The following ONECUT1 variants were observed in gnomAD, a reference collection of about 807,000 sequenced individuals.
ONECUT1 encodes hepatocyte nuclear factor 6.
In ONECUT1, 12 loss-of-function variants were observed where a neutral mutation model predicts 25.6. That is an observed-to-expected ratio of 0.47 (90% CI 0.30 to 0.76). The LOEUF (loss-of-function observed/expected upper bound fraction) is 0.76, where lower values mean the gene tolerates loss of function less well. Among genes scored for constraint, ONECUT1 ranks in the 30% least tolerant of loss-of-function variants. ONECUT1 has a pLI of 0.07. For synonymous variants in ONECUT1, 285 were observed against 270.2 expected, an observed-to-expected ratio of 1.05 and a Z score of -0.54; for missense variants, 620 against 651.2, an observed-to-expected ratio of 0.95 and a Z score of 0.52.
At chr15:52,765,871 AT>A (rs1484757051) in intron 1 of ONECUT1, among the ~76,000 whole-genome samples, 1 of 152,252 alleles carries the variant, frequency 6.6e-6, no homozygotes, top group African/African-American at 2.4e-5. Context: ...CCAGTGTGCC[AT>A]TTGAAAAGCA....
chr15:52,787,653 A>AGGGGGGGGGGGGG (rs1255483635), intron 1 of ONECUT1: 2 of 89,742 alleles, frequency 2.2e-5, no homozygotes, highest in Admixed American at 1.1e-4. Context: ...GTGGGGGGGG[A>AGGGGGGGGGGGGG]GGGGGCATGG....
rs1157693377 is a variant in ONECUT1 at position 52,784,137 on chromosome 15, G to A, written c.1105+4643C>T. Among the ~76,000 whole-genome samples, 1 of 152,220 alleles carries A rather than the reference G, an allele frequency of 6.6e-6. No individual in the cohort carries two copies. On this transcript the variant is annotated intron_variant, in intron 1 of 1. Coordinates refer to ENST00000305901, the MANE Select transcript of ONECUT1 (RefSeq NM_004498.4). This position sits in a 1 kb window ranked among gnomAD's most constrained non-coding sequence, Gnocchi z 5.0. ...CACAGCCCGGCTACCCCCAGAAAGG[G>A]AGCCGAATGGAGGGAAGCAGGGAGC...
chr15:52,766,474 C>T (rs1467059491), intron 1 of ONECUT1, among the ~76,000 whole-genome samples: 1 of 152,180 alleles, frequency 6.6e-6, no homozygotes, highest in Non-Finnish European at 1.5e-5. Context: ...AGCAGTTGGT[C>T]AGCCAAGCAG....
At chr15:52,780,015 G>A (rs1280790390) in intron 1 of ONECUT1, among the ~76,000 whole-genome samples, 1 of 152,180 alleles carries the variant, frequency 6.6e-6, no homozygotes, top group Non-Finnish European at 1.5e-5. Context: ...AGCCTGTAGT[G>A]GAAATTTTCC....
intron 1 of ONECUT1, among the ~76,000 whole-genome samples, chr15:52,762,220 G>T (rs1555415059): frequency 1.3e-5 from 2 of 152,182 alleles, no homozygotes; most frequent in Non-Finnish European, 2.9e-5. Context: ...TTGGCATTTG[G>T]CAGGACTGTC....
rs1167600780 is a variant in ONECUT1, at chr15:52,789,623, T to C, written c.262A>G (p.Thr88Ala). The C allele has an allele frequency of 1.3e-6, 2 of 1,561,906 alleles. No individual in the cohort carries two copies. The highest frequency in any genetic ancestry group is 8.7e-7 in the Non-Finnish European group (1 of 1,152,672). ...SLAGPLHPTM[T>A]MACETPPGMS... ...CCTGGGGGAGTCTCGCAGGCCATGG[T>C]CATGGTGGGATGCAGGGGGCCGGCC... Residue 88 changes from threonine to alanine, a missense_variant, in exon 1 of 2, where the codon ACC (threonine) becomes GCC (alanine). By Grantham distance (58) the Thr-to-Ala change is moderately conservative. Transcript: ENST00000305901. This position sits in a 1 kb window ranked among gnomAD's most constrained non-coding sequence, Gnocchi z 4.1.
In ONECUT1 at chr15:52,789,914, A is replaced by C. The variant is rs767863416; in HGVS notation, c.-30T>G. ...ATCCGGGCGAGCAGGCGGCGGACAC[A>C]ACATCGATGTGGCCAGGCAGAGGCG... On this transcript the variant is annotated 5_prime_UTR_variant, in exon 1 of 2. Transcript: ENST00000305901. The surrounding 1 kb of genome is among the most constrained non-coding windows in gnomAD (Gnocchi z 4.1). The C allele has an allele frequency of 6.7e-7, 1 of 1,501,850 alleles. No individual in the cohort carries two copies. The highest frequency in any genetic ancestry group is 1.3e-5 in the South Asian group (1 of 77,420). 93.0% of individuals were successfully genotyped at this position (1,501,850 alleles called of 1,614,324 possible). A position where few individuals can be genotyped will look rare whatever the true frequency, so the allele number is the denominator to read the frequency against.
intron 1 of ONECUT1, among the ~76,000 whole-genome samples, chr15:52,768,050 G>A (rs1484827687): frequency 6.6e-6 from 1 of 152,202 alleles, no homozygotes; most frequent in Non-Finnish European, 1.5e-5. Flanking sequence ...GTAGTGGGGA[G>A]TGGGGGATAA....
intron 1 of ONECUT1, among the ~76,000 whole-genome samples, chr15:52,765,886 C>G (rs932389668): frequency 6.6e-6 from 1 of 152,204 alleles, no homozygotes; most frequent in Non-Finnish European, 1.5e-5. Flanking sequence ...AAAAGCAACA[C>G]GAGTGAGCTC....
intron 1 of ONECUT1, among the ~76,000 whole-genome samples, chr15:52,773,608 C>T (rs10083678): frequency 0.016 from 2,403 of 152,174 alleles, 69 homozygotes; most frequent in African/African-American, 0.056. Context: ...CATGTTTCCC[C>T]ACCAGGATAA....
At chr15:52,782,815 TA>T (rs905919839) in intron 1 of ONECUT1, among the ~76,000 whole-genome samples, 14 of 152,302 alleles carry the variant, frequency 9.2e-5, no homozygotes, top group African/African-American at 3.4e-4. Flanking sequence ...TTTAAAATAT[TA>T]AGTCGGTGTT....
chr15:52,783,558 C>T (rs2083854563), intron 1 of ONECUT1, among the ~76,000 whole-genome samples: 1 of 152,244 alleles, frequency 6.6e-6, no homozygotes, highest in African/African-American at 2.4e-5. Flanking sequence ...TCCGAAGGCC[C>T]TTTCACCCAC....
At chr15:52,773,371 G>T (rs1436615162) in intron 1 of ONECUT1, among the ~76,000 whole-genome samples, 1 of 152,068 alleles carries the variant, frequency 6.6e-6, no homozygotes, top group Non-Finnish European at 1.5e-5. Flanking sequence ...GGAGGTGGAG[G>T]TACTGGTATG....
Position 52,757,566 on chromosome 15 carries a change from T to C in ONECUT1, c.1387A>G (p.Thr463Ala). The change falls in exon 2 of 2, where the codon ACC becomes GCC. Residue 463 changes from threonine (T) to alanine (A), a missense_variant. Physicochemically the swap from Thr to Ala is moderately conservative, Grantham distance 58. Coordinates refer to ENST00000305901, the MANE Select transcript of ONECUT1 (RefSeq NM_004498.4). ...TTGTGGTTCTTCCTTCATGCTTTGG[T>C]ACAAGTGCTTGATGAAGAAGATGAG... is the stretch of plus-strand genomic sequence containing the variant. ...GNSSSSSSTC[T>A]KA 6.2e-7 allele frequency: 1 copy of C among 1,613,184 alleles called. No homozygotes were observed. Among genetic ancestry groups the C allele is most frequent in the Non-Finnish European group, 8.5e-7 (1 of 1,179,310 alleles).
chr15:52,771,940 G>T (rs1166259209), intron 1 of ONECUT1, among the ~76,000 whole-genome samples: 1 of 152,210 alleles, frequency 6.6e-6, no homozygotes, highest in Non-Finnish European at 1.5e-5. Context: ...GCTTTGAGAA[G>T]AATACCAGGT....
Position 52,756,097 on chromosome 15 carries a change from A to G in ONECUT1, c.*1458T>C, listed in dbSNP as rs894830590. Among the ~76,000 whole-genome samples, 2 of 152,158 alleles carry G rather than the reference A, an allele frequency of 1.3e-5. No individual in the cohort carries two copies. The highest frequency in any genetic ancestry group is 1.9e-4 in the East Asian group (1 of 5,200). Reference sequence around the variant, plus strand: ...TAGTTCCATAAATTGATTAATACCAATAGATCAAAAGTCTTGTCGTCCACC... The same window carrying G: ...TAGTTCCATAAATTGATTAATACCAGTAGATCAAAAGTCTTGTCGTCCACC... On this transcript the variant is annotated 3_prime_UTR_variant, in exon 2 of 2. Coordinates refer to ENST00000305901, the MANE Select transcript of ONECUT1 (RefSeq NM_004498.4).
chr15:52,757,976 G>C, intron 1 of ONECUT1, 129 bp from the exon 2 acceptor site: 3 of 974,962 alleles, frequency 3.1e-6, no homozygotes, highest in Non-Finnish European at 4.6e-6. Flanking sequence ...TCTGCTTTAA[G>C]CACCATTGGA....
chr15:52,788,279 C>T lies in ONECUT1; in HGVS notation c.1105+501G>A. On this transcript the variant is annotated intron_variant, in intron 1 of 1. Transcript: ENST00000305901. The surrounding 1 kb of genome is among the most constrained non-coding windows in gnomAD (Gnocchi z 4.3). The stretch of plus-strand genomic sequence containing the variant: ...CCAGCCAGCGCCAAAAGAATGAGCG[C>T]GGGAGGGGGTCACAGCAGCCAGTTC... 6.3e-6 allele frequency: 1 copy of T among 158,284 alleles called. No homozygotes were observed. The highest frequency in any genetic ancestry group is 2.0e-4 in the South Asian group (1 of 5,124). 9.8% of individuals were successfully genotyped at this position (158,284 alleles called of 1,614,324 possible).
chr15:52,759,254 A>G (rs1211328029), intron 1 of ONECUT1, among the ~76,000 whole-genome samples: 1 of 152,008 alleles, frequency 6.6e-6, no homozygotes, highest in East Asian at 1.9e-4. Context: ...TCAATTCCTT[A>G]CCTGATGGTT....
Sources: gnomAD v4.1 joint callset for allele counts (sites outside exome capture counted in the v4.1 genomes callset) on GRCh38, gnomAD v4.1.1 for gene constraint, Gnocchi (gnomAD v3.1) non-coding constraint, MANE v1.5 for transcripts, NCBI Gene and HGNC (gene_info 2026-07-23, HGNC 2026-07-21) for gene names.